The following CFAP263 variants were observed in gnomAD, a reference collection of about 807,000 sequenced individuals.
The protein encoded by CFAP263 is cilia and flagella associated protein 263, also known as cilia- and flagella-associated protein 263.
At chr16:58,274,671 T>C in the CFAP263 span, among the ~76,000 whole-genome samples, 34 of 152,216 alleles carry the variant, frequency 2.2e-4, no homozygotes, top group Non-Finnish European at 4.0e-4. Flanking sequence ...TCCACCATGA[T>C]TGTAAGTTTC....
the CFAP263 span, among the ~76,000 whole-genome samples, chr16:58,267,076 G>A: frequency 6.6e-6 from 1 of 152,186 alleles, no homozygotes; most frequent in Non-Finnish European, 1.5e-5. Flanking sequence ...GATAGTCATG[G>A]CAGCTGTTTG....
At chr16:58,250,787 A>C in the CFAP263 span, among the ~76,000 whole-genome samples, 22,702 of 148,956 alleles carry the variant, frequency 0.15, 2,204 homozygotes, top group East Asian at 0.33. Context: ...AAAAAAAATT[A>C]TATGATAAAA....
At chr16:58,250,736 G>C in the CFAP263 span, among the ~76,000 whole-genome samples, 1 of 145,842 alleles carries the variant, frequency 6.9e-6, no homozygotes, top group Admixed American at 6.9e-5. Context: ...CTGCACCCCA[G>C]CCTGGGCAAC....
the CFAP263 span, among the ~76,000 whole-genome samples, chr16:58,257,671 T>A: frequency 6.6e-6 from 1 of 151,838 alleles, no homozygotes; most frequent in Non-Finnish European, 1.5e-5. Flanking sequence ...TTTTTTTTTT[T>A]AATAACAGAA....
the CFAP263 span, chr16:58,280,954 T>C: frequency 1.7e-6 from 1 of 572,612 alleles, no homozygotes; most frequent in Non-Finnish European, 3.1e-6. Flanking sequence ...CCTTTTATTA[T>C]GCAAATTAGC....
At chr16:58,283,040 A>ATC in the CFAP263 span, 1 of 152,234 alleles carries the variant, frequency 6.6e-6, no homozygotes, top group South Asian at 2.1e-4. Context: ...ACCCTACCTC[A>ATC]TCTCCCAAGG....
the CFAP263 span, among the ~76,000 whole-genome samples, chr16:58,253,330 A>G: frequency 1.3e-5 from 2 of 152,160 alleles, no homozygotes; most frequent in East Asian, 1.9e-4. Flanking sequence ...GCAGTGAGCT[A>G]TGATCACACT....
the CFAP263 span, chr16:58,250,251 T>G: frequency 1.8e-6 from 1 of 567,544 alleles, no homozygotes; most frequent in Non-Finnish European, 3.1e-6. Context: ...TCTTTACTCC[T>G]TACTCCACCA....
chr16:58,250,050 C>G, the CFAP263 span: 2 of 1,599,846 alleles, frequency 1.3e-6, no homozygotes, highest in Admixed American at 3.5e-5. Context: ...TCCTCTCCGA[C>G]TCCCATGAAG....
chr16:58,269,383 A>G, the CFAP263 span, among the ~76,000 whole-genome samples: 3 of 151,556 alleles, frequency 2.0e-5, no homozygotes, highest in African/African-American at 7.3e-5. Context: ...TATAAGAAGA[A>G]AGGAAGGAAA....
chr16:58,263,263 T>A, the CFAP263 span, among the ~76,000 whole-genome samples: 2 of 152,170 alleles, frequency 1.3e-5, no homozygotes, highest in Admixed American at 6.5e-5. Context: ...TATAACCAAT[T>A]TGATTATAGA....
the CFAP263 span, among the ~76,000 whole-genome samples, chr16:58,272,719 G>A: frequency 6.6e-6 from 1 of 150,772 alleles, no homozygotes; most frequent in Non-Finnish European, 1.5e-5. Flanking sequence ...TGGCCATTGG[G>A]AGCTCTTTCA....
At chr16:58,253,291 G>A in the CFAP263 span, among the ~76,000 whole-genome samples, 1 of 152,016 alleles carries the variant, frequency 6.6e-6, no homozygotes, top group Non-Finnish European at 1.5e-5. Context: ...TGAGGTGGGA[G>A]GATTGCTTGA....
chr16:58,256,804 C>A, the CFAP263 span, among the ~76,000 whole-genome samples: 9 of 151,852 alleles, frequency 5.9e-5, no homozygotes, highest in East Asian at 1.9e-4. Context: ...TGCAGTCTGG[C>A]TAGAGATACC....
At chr16:58,280,834 G>C in the CFAP263 span, 1 of 1,352,598 alleles carries the variant, frequency 7.4e-7, no homozygotes, top group South Asian at 1.5e-5. Flanking sequence ...GCAATATACT[G>C]TTTGTTCTAG....
At chr16:58,280,452 G>A in the CFAP263 span, 1 of 1,614,122 alleles carries the variant, frequency 6.2e-7, no homozygotes, top group Non-Finnish European at 8.5e-7. Context: ...GTGAATGCGT[G>A]ATGGTCCTTC....
the CFAP263 span, chr16:58,258,405 T>A: frequency 1.9e-6 from 3 of 1,613,964 alleles, no homozygotes; most frequent in South Asian, 3.3e-5. Context: ...TGGAGTGAAG[T>A]TTCGAGAGAA....
chr16:58,267,376 T>C, the CFAP263 span: 5 of 803,604 alleles, frequency 6.2e-6, no homozygotes, highest in Non-Finnish European at 1.0e-5. Flanking sequence ...TTGGACTTTC[T>C]GGATGGTCCT....
the CFAP263 span, among the ~76,000 whole-genome samples, chr16:58,275,743 A>G: frequency 1.3e-5 from 2 of 152,236 alleles, no homozygotes; most frequent in Admixed American, 6.5e-5. Context: ...CAGCCAGATT[A>G]TTGAATAAAT....
Sources: allele counts gnomAD v4.1 joint callset (sites outside exome capture counted in the v4.1 genomes callset), GRCh38; gene constraint gnomAD v4.1.1; transcripts MANE v1.5; gene names NCBI Gene and HGNC (gene_info 2026-07-23, HGNC 2026-07-21).